The following RABGEF1 variants were observed in gnomAD, a reference collection of about 807,000 sequenced individuals.
The protein encoded by RABGEF1 is RAB guanine nucleotide exchange factor 1.
RABGEF1 carries 26 observed loss-of-function variants against 57.3 expected under a neutral mutation model. The observed-to-expected ratio is 0.45, with a 90% CI of 0.33 to 0.63. The LOEUF (loss-of-function observed/expected upper bound fraction) is 0.63, where lower values mean the gene tolerates loss of function less well. Among genes scored for constraint, RABGEF1 ranks in the 20% least tolerant of loss-of-function variants. RABGEF1 has a pLI of 0.02. For synonymous variants in RABGEF1, 185 were observed against 210.7 expected, an observed-to-expected ratio of 0.88 and a Z score of 1.06; for missense variants, 464 against 607.6, an observed-to-expected ratio of 0.76 and a Z score of 2.48.
rs1323122622 is a variant in RABGEF1, at chr7:66,775,460, C to T, written c.346+67C>T. 3.9e-6 allele frequency: 6 copies of T among 1,545,466 alleles called. No individual in the cohort carries two copies. In the African/African-American group the frequency reaches 4.1e-5, roughly 11 times the overall value. On this transcript the variant is annotated intron_variant, in intron 3 of 8. Transcript: ENST00000284957. The stretch of plus-strand genomic sequence containing the variant: ...AGACACAGAGGAGATCCCCAATGCT[C>T]ATAAGCTCAGCTTTGTAATTTCTGT...
At chr7:66,676,909 A>T in the RABGEF1 span, among the ~76,000 whole-genome samples, 9 of 152,208 alleles carry the variant, frequency 5.9e-5, no homozygotes, top group African/African-American at 2.2e-4. Context: ...TTGATGCACA[A>T]AAGTTAAAAA....
chr7:66,707,549 G>A (rs1315751109), intron 1 of RABGEF1, among the ~76,000 whole-genome samples: 1 of 152,060 alleles, frequency 6.6e-6, no homozygotes, highest in Non-Finnish European at 1.5e-5. Context: ...CCAGCCAGTC[G>A]TGGTGGCACA....
At chr7:66,688,859 G>A (rs765128593) in intron 1 of RABGEF1, among the ~76,000 whole-genome samples, 14 of 152,150 alleles carry the variant, frequency 9.2e-5, no homozygotes, top group African/African-American at 2.2e-4. Context: ...TTGGGAGGCC[G>A]AAGCGGGAGG....
chr7:66,759,153 C>T (rs1461984055), intron 1 of RABGEF1, among the ~76,000 whole-genome samples: 1 of 152,228 alleles, frequency 6.6e-6, no homozygotes, highest in Non-Finnish European at 1.5e-5. Flanking sequence ...CCTTATGACT[C>T]TGTAGTCACA....
At chr7:66,755,987 T>G (rs1802614582) in intron 1 of RABGEF1, 2 of 1,236,974 alleles carry the variant, frequency 1.6e-6, no homozygotes, top group Non-Finnish European at 2.2e-6. Flanking sequence ...AGCATTATAT[T>G]TAATCATATG....
intron 1 of RABGEF1, among the ~76,000 whole-genome samples, chr7:66,688,543 G>C (rs1791054667): frequency 6.6e-6 from 1 of 152,192 alleles, no homozygotes; most frequent in Non-Finnish European, 1.5e-5. Context: ...TTAAAAGATT[G>C]AAAGTATCCA....
the RABGEF1 span, among the ~76,000 whole-genome samples, chr7:66,674,511 C>G: frequency 3.5e-4 from 53 of 152,246 alleles, no homozygotes; most frequent in South Asian, 0.011. Flanking sequence ...TAGGAATGTT[C>G]ATCCCAGCTT....
chr7:66,682,423 C>A (rs369897560), intron 1 of RABGEF1, among the ~76,000 whole-genome samples: 6 of 152,332 alleles, frequency 3.9e-5, no homozygotes, highest in South Asian at 2.1e-4. Flanking sequence ...CCGCCTGCCC[C>A]GTTTCAGGCC....
At chr7:66,727,297 T>A (rs987406541) in intron 2 of RABGEF1, among the ~76,000 whole-genome samples, 1 of 152,196 alleles carries the variant, frequency 6.6e-6, no homozygotes, top group African/African-American at 2.4e-5. Flanking sequence ...TTCTTGTCCG[T>A]GGGACAGGGT....
At chr7:66,758,703 C>T (rs189392421) in intron 1 of RABGEF1, among the ~76,000 whole-genome samples, 2,663 of 151,788 alleles carry the variant, frequency 0.018, 29 homozygotes, top group Middle Eastern at 0.045. Context: ...CTGCCTTCTA[C>T]CGTAACAGCT....
rs1341785229 is a variant in RABGEF1 at position 66,811,052 on chromosome 7, T to A, written c.*1768T>A. 1 of 152,176 alleles carries A rather than the reference T, an allele frequency of 6.6e-6. No individual in the cohort carries two copies. Among genetic ancestry groups the A allele is most frequent in the African/African-American group, 2.4e-5 (1 of 41,446 alleles). The allele number at this position is 152,176 out of a possible 1,614,324, so 9.4% of individuals were successfully genotyped here. ...GGCCCAAGTGATTTTAGTACAAAAC[T>A]TGCCCTTCTTTGGTTTAATTTTCTA... On this transcript the variant is annotated 3_prime_UTR_variant, in exon 9 of 9. Transcript: ENST00000284957.
chr7:66,697,218 A>G (rs1252058890), intron 1 of RABGEF1, among the ~76,000 whole-genome samples: 1 of 152,142 alleles, frequency 6.6e-6, no homozygotes, highest in Non-Finnish European at 1.5e-5. Flanking sequence ...CTTGGATTCA[A>G]TAAGAGACCC....
chr7:66,724,429 G>A (rs1048064582), intron 2 of RABGEF1, among the ~76,000 whole-genome samples: 18 of 151,794 alleles, frequency 1.2e-4, no homozygotes, highest in African/African-American at 3.4e-4. Flanking sequence ...GCGCGATCTC[G>A]GCTCACTGCA....
At chr7:66,728,380 C>G (rs1796836166) in intron 2 of RABGEF1, among the ~76,000 whole-genome samples, 1 of 152,110 alleles carries the variant, frequency 6.6e-6, no homozygotes, top group African/African-American at 2.4e-5. Flanking sequence ...ATGAAGGTAT[C>G]CCCCCTATGG....
At chr7:66,787,298 T>C (rs1811409355) in intron 4 of RABGEF1, among the ~76,000 whole-genome samples, 1 of 148,620 alleles carries the variant, frequency 6.7e-6, no homozygotes, top group Non-Finnish European at 1.5e-5. Flanking sequence ...CCTCCCAAAA[T>C]CTTGGGGTTA....
chr7:66,758,794 G>T (rs958498089), intron 1 of RABGEF1, among the ~76,000 whole-genome samples: 3 of 152,224 alleles, frequency 2.0e-5, no homozygotes, highest in Admixed American at 2.0e-4. Context: ...CTTAGAAGCA[G>T]CAGAATGATC....
the RABGEF1 span, among the ~76,000 whole-genome samples, chr7:66,658,186 C>T: frequency 5.9e-5 from 9 of 152,038 alleles, no homozygotes; most frequent in Non-Finnish European, 1.0e-4. Context: ...AATGAAATGG[C>T]AAATCTCTAG....
At position 66,703,428 on chromosome 7, in the gene RABGEF1, C is replaced by T. The variant is rs535044326; in HGVS notation, c.-872-8739C>T. Among the ~76,000 whole-genome samples, 4 of 152,296 alleles carry T rather than the reference C, an allele frequency of 2.6e-5. No individual in the cohort carries two copies. The East Asian group carries it at 7.7e-4, about 29-fold the overall frequency. ...AAGAATTCTACAATTTTAGCTCTCA[C>T]AGTTAGGTCTTTTATCCATTTTGAA... is the stretch of plus-strand genomic sequence containing the variant. On this transcript the variant is annotated intron_variant and NMD_transcript_variant, in intron 1 of 9. Transcript: ENST00000607882.
At position 66,730,564 on chromosome 7, in the gene RABGEF1, T is replaced by C. The variant is rs529616298; in HGVS notation, c.-814-9432T>C. Reference sequence around the variant, plus strand: ...AGCACTTGGTTTCTTTTTCTTTTTTTTTTTTTTTTTTGGTGGCAGGGTCTC... The same window carrying C: ...AGCACTTGGTTTCTTTTTCTTTTTTCTTTTTTTTTTTGGTGGCAGGGTCTC... On this transcript the variant is annotated intron_variant and NMD_transcript_variant, in intron 2 of 9. Coordinates refer to the RABGEF1 transcript ENST00000607882. Among the ~76,000 whole-genome samples the C allele has an allele frequency of 2.3e-3, 342 of 150,746 alleles. 2 individuals carry two copies. Among genetic ancestry groups the C allele is most frequent in the African/African-American group, 8.1e-3 (334 of 41,240 alleles).
Sources: allele counts gnomAD v4.1 joint callset (sites outside exome capture counted in the v4.1 genomes callset), GRCh38; gene constraint gnomAD v4.1.1; transcripts MANE v1.5; gene names NCBI Gene and HGNC (gene_info 2026-07-23, HGNC 2026-07-21).